ADAM9: variants seen among roughly 807,000 people sequenced by gnomAD.
The protein encoded by ADAM9 is disintegrin and metalloproteinase domain-containing protein 9.
A neutral mutation model predicts 108.1 loss-of-function variants in ADAM9; 54 were observed. The observed-to-expected ratio is 0.50, with a 90% CI of 0.40 to 0.63. The LOEUF is 0.63. Among genes scored for constraint, ADAM9 ranks in the 20% least tolerant of loss-of-function variants. The pLI is 0.00. For synonymous variants in ADAM9, 316 were observed against 336.0 expected (o/e 0.94, Z 0.65); for missense variants, 830 against 997.7 (o/e 0.83, Z 2.26).
intron 12 of ADAM9, among the ~76,000 whole-genome samples, chr8:39,045,421 CACACACCTATAT>C (rs1837709817): frequency 6.4e-5 from 4 of 62,808 alleles, no homozygotes; most frequent in Non-Finnish European, 1.5e-4. Flanking sequence ...CGCGTGTGTA[CACACACCTATAT>C]GTGCGCGTGT....
chr8:39,014,120 C>T, intron 4 of ADAM9, 77 bp downstream of exon 4: 1 of 1,197,930 alleles, frequency 8.3e-7, no homozygotes, highest in Non-Finnish European at 1.2e-6. Flanking sequence ...TATAGGCACT[C>T]AGGACTGTTA....
intron 20 of ADAM9, among the ~76,000 whole-genome samples, chr8:39,097,251 T>A (rs1839535246): frequency 6.6e-6 from 1 of 151,780 alleles, no homozygotes; most frequent in Admixed American, 6.6e-5. Flanking sequence ...ATTGTGGAGG[T>A]TTGCTAGTTT....
intron 1 of ADAM9, among the ~76,000 whole-genome samples, chr8:39,003,188 T>C (rs1836057231): frequency 6.6e-6 from 1 of 152,196 alleles, no homozygotes; most frequent in Admixed American, 6.5e-5. Flanking sequence ...GAAAGTTATA[T>C]GTAATCTTCC....
chr8:39,011,686 A>G lies in ADAM9; in HGVS notation c.224A>G (p.Lys75Arg), dbSNP rs2129432466. 6.2e-7 allele frequency: 1 copy of G among 1,612,036 alleles called. No individual in the cohort carries two copies. The highest frequency in any genetic ancestry group is 8.5e-7 in the Non-Finnish European group (1 of 1,178,146). ...QVSYVIQAEG[K>R]EHIIHLERNK... ...TCTTATGTTATTCAGGCTGAAGGAA[A>G]AGAGCATATTATTCACTTGGAAAGG... Residue 75 changes from lysine to arginine, a missense_variant, in exon 3 of 22, where the codon AAA becomes AGA. Coordinates refer to ENST00000487273, the MANE Select transcript of ADAM9 (RefSeq NM_003816.3).
intron 3 of ADAM9, among the ~76,000 whole-genome samples, chr8:39,012,181 C>G (rs1836376769): frequency 6.6e-6 from 1 of 152,240 alleles, no homozygotes; most frequent in Non-Finnish European, 1.5e-5. Flanking sequence ...TGTGCTTTGC[C>G]TCCAGATTAT....
chr8:39,056,611 G>T (rs763667552), intron 14 of ADAM9, among the ~76,000 whole-genome samples: 3 of 152,120 alleles, frequency 2.0e-5, no homozygotes, highest in African/African-American at 7.2e-5. Context: ...CAACTAAACT[G>T]TATAGTAAGT....
rs73604728 is a variant in ADAM9 at position 39,099,460 on chromosome 8, T to G, written c.2299-2403T>G. Reference sequence around the variant, plus strand: ...TGGGAAGTTTCCTCTGGACATTTGGTCCACTATTTGCAAGAAGTGAACATG... The same window carrying G: ...TGGGAAGTTTCCTCTGGACATTTGGGCCACTATTTGCAAGAAGTGAACATG... On this transcript the variant is annotated intron_variant, in intron 20 of 21. Coordinates refer to ENST00000487273, the MANE Select transcript of ADAM9 (RefSeq NM_003816.3). Among the ~76,000 whole-genome samples, 1,090 of 152,256 alleles carry G rather than the reference T, an allele frequency of 7.2e-3. 20 individuals are homozygous for G. Among genetic ancestry groups the G allele is most frequent in the African/African-American group, 0.025 (1,041 of 41,540 alleles).
At chr8:39,060,959 TCAAA>T (rs1460424546) in intron 14 of ADAM9, among the ~76,000 whole-genome samples, 2 of 152,240 alleles carry the variant, frequency 1.3e-5, no homozygotes, top group Non-Finnish European at 2.9e-5. Context: ...GTTAATTTGC[TCAAA>T]CAATGAAATA....
chr8:39,032,774 C>T (rs572771670), intron 11 of ADAM9, among the ~76,000 whole-genome samples: 7 of 152,298 alleles, frequency 4.6e-5, no homozygotes, highest in African/African-American at 9.6e-5. Flanking sequence ...AGCTGCAGAC[C>T]GGAGCTGTTC....
chr8:39,045,156 A>G (rs1333156743), intron 12 of ADAM9, among the ~76,000 whole-genome samples: 2 of 122,424 alleles, frequency 1.6e-5, no homozygotes, highest in South Asian at 2.7e-4. Context: ...ATATATGTGT[A>G]TACATACATA....
At chr8:39,045,074 G>GTATGTGTA (rs1484708094) in intron 12 of ADAM9, among the ~76,000 whole-genome samples, 3 of 25,798 alleles carry the variant, frequency 1.2e-4, no homozygotes, top group Admixed American at 4.4e-4. Flanking sequence ...ACATACATAT[G>GTATGTGTA]TGTGTGTGCA....
chr8:39,038,003 T>A (rs1009058609), intron 11 of ADAM9, among the ~76,000 whole-genome samples: 1 of 152,154 alleles, frequency 6.6e-6, no homozygotes, highest in African/African-American at 2.4e-5. Flanking sequence ...TGGGAGTCAT[T>A]CTTGATTTCT....
At chr8:39,029,737 C>T (rs1480110219) in intron 11 of ADAM9, among the ~76,000 whole-genome samples, 1 of 152,062 alleles carries the variant, frequency 6.6e-6, no homozygotes, top group African/African-American at 2.4e-5. Flanking sequence ...CTCATTTGGT[C>T]GGAGGGCCTG....
intron 14 of ADAM9, among the ~76,000 whole-genome samples, chr8:39,062,216 A>G (rs1268062697): frequency 6.6e-6 from 1 of 152,212 alleles, no homozygotes; most frequent in African/African-American, 2.4e-5. Context: ...GGTAAAAGCC[A>G]TAGGTCCCTT....
chr8:39,049,602 C>A (rs1335510498), intron 12 of ADAM9, among the ~76,000 whole-genome samples: 2 of 151,932 alleles, frequency 1.3e-5, no homozygotes, highest in Non-Finnish European at 2.9e-5. Context: ...CCACGCTTGG[C>A]TAATTTTTGT....
intron 1 of ADAM9, among the ~76,000 whole-genome samples, chr8:38,999,500 C>T (rs981178735): frequency 6.6e-6 from 1 of 152,022 alleles, no homozygotes; most frequent in African/African-American, 2.4e-5. Flanking sequence ...AAAGCTTACT[C>T]ATGGTGAGTC....
intron 14 of ADAM9, among the ~76,000 whole-genome samples, chr8:39,065,575 G>A (rs914677234): frequency 6.7e-6 from 1 of 150,232 alleles, no homozygotes; most frequent in Admixed American, 6.7e-5. Context: ...CAGGAGAATG[G>A]CGTGAACCCG....
At chr8:39,043,243 A>G (rs1837509310) in intron 12 of ADAM9, among the ~76,000 whole-genome samples, 1 of 152,206 alleles carries the variant, frequency 6.6e-6, no homozygotes, top group South Asian at 2.1e-4. Context: ...GAACATAGGA[A>G]TGCTAATATC....
intron 21 of ADAM9, among the ~76,000 whole-genome samples, chr8:39,102,446 C>T (rs1301605675): frequency 6.6e-6 from 1 of 152,076 alleles, no homozygotes; most frequent in Non-Finnish European, 1.5e-5. Context: ...CTGAGGAGAG[C>T]TTTCTACAAA....
Sources: allele counts gnomAD v4.1 joint callset (sites outside exome capture counted in the v4.1 genomes callset), GRCh38; gene constraint gnomAD v4.1.1; transcripts MANE v1.5; gene names NCBI Gene and HGNC (gene_info 2026-07-23, HGNC 2026-07-21).